The following CNTNAP2 variants were observed in gnomAD, a reference collection of about 807,000 sequenced individuals.
CNTNAP2 encodes the protein contactin associated protein 2, also known as contactin-associated protein-like 2.
A neutral mutation model predicts 155.2 loss-of-function variants in CNTNAP2; 98 were observed. The ratio of observed to expected loss-of-function variants is 0.63; its 90% CI spans 0.54 to 0.75. CNTNAP2 has a LOEUF of 0.75. Among genes scored for constraint, CNTNAP2 ranks in the 30% least tolerant of loss-of-function variants. CNTNAP2 has a pLI of 0.00. For synonymous variants in CNTNAP2, 651 were observed against 631.2 expected, an observed-to-expected ratio of 1.03 and a Z score of -0.47; for missense variants, 1,727 against 1,688.1, an observed-to-expected ratio of 1.02 and a Z score of -0.40.
At position 147,658,120 on chromosome 7, in the gene CNTNAP2, A is replaced by G. The variant is rs576063182; in HGVS notation, c.2098+18814A>G. Among the ~76,000 whole-genome samples, 299 of 143,284 alleles carry G rather than the reference A, an allele frequency of 2.1e-3. 35 individuals carry two copies. The highest frequency in any genetic ancestry group is 5.7e-3 in the Admixed American group (75 of 13,114). The allele number at this position is 143,284 out of a possible 152,430, so 94.0% of individuals were successfully genotyped here. A position where few individuals can be genotyped will look rare whatever the true frequency, so the allele number is the denominator to read the frequency against. ...AAAATACAAAAAATTAGCCGGGCGT[A>G]GTGGCGGGCGCCTGTGGTCCCAGCT... On this transcript the variant is annotated intron_variant, in intron 13 of 23. Coordinates refer to ENST00000361727, the MANE Select transcript of CNTNAP2 (RefSeq NM_014141.6).
intron 1 of CNTNAP2, among the ~76,000 whole-genome samples, chr7:146,426,227 T>G (rs1396460036): frequency 7.5e-6 from 1 of 132,958 alleles, no homozygotes; most frequent in African/African-American, 3.1e-5. Flanking sequence ...CTTAAGGAAC[T>G]GAGACAAGGT....
At chr7:146,466,537 A>G (rs1260098556) in intron 1 of CNTNAP2, among the ~76,000 whole-genome samples, 1 of 152,186 alleles carries the variant, frequency 6.6e-6, no homozygotes, top group Non-Finnish European at 1.5e-5. Context: ...AGTACATTTA[A>G]TCTATCTTTT....
At chr7:147,296,979 A>G (rs1794830393) in intron 8 of CNTNAP2, among the ~76,000 whole-genome samples, 1 of 152,226 alleles carries the variant, frequency 6.6e-6, no homozygotes, top group South Asian at 2.1e-4. Flanking sequence ...ATGAAGAGAT[A>G]TACTTCATTT....
intron 10 of CNTNAP2, among the ~76,000 whole-genome samples, chr7:147,427,678 A>G (rs531280414): frequency 2.6e-5 from 4 of 152,188 alleles, no homozygotes; most frequent in Non-Finnish European, 4.4e-5. Context: ...ACAATGAAGT[A>G]CATGAAGAGA....
chr7:147,462,519 T>C (rs944291161), intron 10 of CNTNAP2, among the ~76,000 whole-genome samples: 1 of 152,202 alleles, frequency 6.6e-6, no homozygotes, highest in East Asian at 1.9e-4. Flanking sequence ...GAATGTATGT[T>C]CTCAAATGGA....
chr7:146,199,004 ATCT>A (rs1281235228), intron 1 of CNTNAP2, among the ~76,000 whole-genome samples: 1 of 152,134 alleles, frequency 6.6e-6, no homozygotes, highest in Non-Finnish European at 1.5e-5. Context: ...CAAATTCATA[ATCT>A]TCTTTGTATC....
chr7:147,034,356 G>GAA (rs1299541397), intron 3 of CNTNAP2, among the ~76,000 whole-genome samples: 1 of 152,178 alleles, frequency 6.6e-6, no homozygotes, highest in African/African-American at 2.4e-5. Context: ...ATAGGGGTGT[G>GAA]GCTCACTTCT....
At chr7:146,712,438 A>C (rs560202242) in intron 1 of CNTNAP2, among the ~76,000 whole-genome samples, 6 of 148,554 alleles carry the variant, frequency 4.0e-5, no homozygotes, top group Admixed American at 3.4e-4. Context: ...CAAAGCACAG[A>C]AGAGGAAGAT....
intron 1 of CNTNAP2, among the ~76,000 whole-genome samples, chr7:146,458,049 A>G (rs758024076): frequency 1.8e-4 from 27 of 152,124 alleles, no homozygotes; most frequent in Non-Finnish European, 3.4e-4. Context: ...AAACTGATGC[A>G]GGAACAGAAA....
At chr7:147,244,861 A>G (rs1804021426) in intron 8 of CNTNAP2, among the ~76,000 whole-genome samples, 1 of 152,210 alleles carries the variant, frequency 6.6e-6, no homozygotes, top group Non-Finnish European at 1.5e-5. Context: ...CATATAGAAG[A>G]TACTTATTTC....
intron 13 of CNTNAP2, among the ~76,000 whole-genome samples, chr7:147,648,429 CAG>C (rs1440416953): frequency 2.6e-5 from 4 of 152,250 alleles, no homozygotes; most frequent in Non-Finnish European, 4.4e-5. Context: ...AAATAGGACT[CAG>C]AGGAATAAAC....
At chr7:146,466,571 C>A (rs1796720263) in intron 1 of CNTNAP2, among the ~76,000 whole-genome samples, 1 of 152,080 alleles carries the variant, frequency 6.6e-6, no homozygotes, top group Non-Finnish European at 1.5e-5. Flanking sequence ...AATTCCCTTT[C>A]CTTTATTCAT....
intron 8 of CNTNAP2, among the ~76,000 whole-genome samples, chr7:147,137,692 A>G (rs990059851): frequency 2.6e-4 from 39 of 152,028 alleles, no homozygotes; most frequent in African/African-American, 8.9e-4. Flanking sequence ...ATACAAATGG[A>G]GCATTTTATA....
rs200826381 is a variant in CNTNAP2, at chr7:147,007,844, C to CA, written c.403-36055dup. ...TACTCACTCTCCAATAAGTAAATTA[C>CA]AAAAAAAATACTTATTTCCTTAATA... On this transcript the variant is annotated intron_variant, in intron 3 of 23. Transcript: ENST00000361727. Among the ~76,000 whole-genome samples the CA allele has an allele frequency of 2.2e-3, 339 of 151,440 alleles. 1 individual carries two copies. Among genetic ancestry groups the CA allele is most frequent in the African/African-American group, 7.0e-3 (290 of 41,364 alleles).
At chr7:147,799,130 T>C (rs1288106966) in intron 13 of CNTNAP2, among the ~76,000 whole-genome samples, 1 of 152,154 alleles carries the variant, frequency 6.6e-6, no homozygotes, top group Non-Finnish European at 1.5e-5. Context: ...ATTCTGCCCT[T>C]ATCTCAGCAG....
At chr7:147,150,429 T>C (rs972621074) in intron 8 of CNTNAP2, among the ~76,000 whole-genome samples, 2 of 152,152 alleles carry the variant, frequency 1.3e-5, no homozygotes, top group African/African-American at 4.8e-5. Flanking sequence ...TAGAGTATAG[T>C]TCAGAAGTAC....
chr7:147,347,809 C>G (rs1441807482), intron 9 of CNTNAP2, among the ~76,000 whole-genome samples: 1 of 151,998 alleles, frequency 6.6e-6, no homozygotes, highest in African/African-American at 2.4e-5. Context: ...ACCAAACCAG[C>G]ATAATACTGG....
rs530089966 is a variant in CNTNAP2 at position 147,232,780 on chromosome 7, T to A, written c.1349-67361T>A. On this transcript the variant is annotated intron_variant, in intron 8 of 23. Coordinates refer to ENST00000361727, the MANE Select transcript of CNTNAP2 (RefSeq NM_014141.6). ...TCTGACATTGATCTTGGTAATGACT[T>A]TTTTAAAAGCGTTTATCTTTTCTTT... 7.1e-5 allele frequency among the ~76,000 whole-genome samples: 9 copies of A among 127,460 alleles called. No homozygotes were observed. In the South Asian group the frequency reaches 2.3e-3, roughly 32 times the overall value. 83.6% of individuals were successfully genotyped at this position (127,460 alleles called of 152,430 possible).
intron 3 of CNTNAP2, among the ~76,000 whole-genome samples, chr7:146,918,134 G>A (rs1353880593): frequency 6.6e-6 from 1 of 152,112 alleles, no homozygotes; most frequent in African/African-American, 2.4e-5. Context: ...TATTCATTAT[G>A]CCATTCTGTA....
Sources: allele counts gnomAD v4.1 joint callset (sites outside exome capture counted in the v4.1 genomes callset), GRCh38; gene constraint gnomAD v4.1.1; transcripts MANE v1.5; gene names NCBI Gene and HGNC (gene_info 2026-07-23, HGNC 2026-07-21).